The following TNKS variants were observed in gnomAD, a reference collection of about 807,000 sequenced individuals.
TNKS encodes tankyrase.
TNKS carries 72 observed loss-of-function variants against 135.8 expected under a neutral mutation model. The ratio of observed to expected loss-of-function variants is 0.53; its 90% CI spans 0.44 to 0.64. The LOEUF (loss-of-function observed/expected upper bound fraction) is 0.64, where lower values mean the gene tolerates loss of function less well. Among genes scored for constraint, TNKS ranks in the 30% least tolerant of loss-of-function variants. TNKS has a pLI of 0.00. For missense variants in TNKS, 1,769 were observed against 1,674.0 expected, an observed-to-expected ratio of 1.06 and a Z score of -0.99; for synonymous variants, 849 against 649.3, an observed-to-expected ratio of 1.31 and a Z score of -4.68.
At chr8:9,731,999 G>C (rs1313669479) in intron 14 of TNKS, among the ~76,000 whole-genome samples, 1 of 152,146 alleles carries the variant, frequency 6.6e-6, no homozygotes, top group Non-Finnish European at 1.5e-5. Flanking sequence ...GTGTTAGCCA[G>C]GATGGTCTCA....
chr8:9,592,905 T>C (rs1798639741), intron 2 of TNKS, among the ~76,000 whole-genome samples: 1 of 152,242 alleles, frequency 6.6e-6, no homozygotes, highest in African/African-American at 2.4e-5. Context: ...AAACACATTT[T>C]ATAGTCATAT....
chr8:9,750,344 C>G (rs1410355158), intron 18 of TNKS, among the ~76,000 whole-genome samples: 6 of 152,184 alleles, frequency 3.9e-5, no homozygotes, highest in Non-Finnish European at 5.9e-5. Flanking sequence ...TAGGTGAATA[C>G]ATTTCCTTAA....
chr8:9,729,419 G>C (rs537606030), intron 13 of TNKS, among the ~76,000 whole-genome samples: 1 of 152,244 alleles, frequency 6.6e-6, no homozygotes, highest in South Asian at 2.1e-4. Flanking sequence ...AATCCCCAGG[G>C]ACCCTGCAAT....
In TNKS at chr8:9,570,948, A is replaced by G. The variant is rs1797732374; in HGVS notation, c.674-9211A>G. On this transcript the variant is annotated intron_variant, in intron 1 of 26. Transcript: ENST00000310430. ...CATGCCACTGCACTCCAGCCTGGGC[A>G]ATAGAGTAAGACCTGTCTCTTAAAT... Among the ~76,000 whole-genome samples, 5 of 152,210 alleles carry G rather than the reference A, an allele frequency of 3.3e-5. 1 individual carries two copies. In the South Asian group the frequency reaches 1.0e-3, roughly 31 times the overall value.
intron 11 of TNKS, among the ~76,000 whole-genome samples, chr8:9,716,733 A>AGGTTGCAT (rs143044035): frequency 8.2e-4 from 124 of 150,648 alleles, no homozygotes; most frequent in African/African-American, 2.9e-3. Context: ...TCTTTCTCTG[A>AGGTTGCAT]GGTTTCTTTT....
chr8:9,588,349 A>G (rs1051490500), intron 2 of TNKS, among the ~76,000 whole-genome samples: 1 of 151,810 alleles, frequency 6.6e-6, no homozygotes, highest in Non-Finnish European at 1.5e-5. Context: ...ATCTAGGCTC[A>G]CTGCAAGCTC....
intron 2 of TNKS, among the ~76,000 whole-genome samples, chr8:9,613,917 G>C (rs765998914): frequency 6.6e-6 from 1 of 152,282 alleles, no homozygotes; most frequent in Middle Eastern, 3.4e-3. Context: ...GTCAAACTCA[G>C]ATAAAAATAT....
rs567293651 is a variant in TNKS at position 9,629,285 on chromosome 8, C to G, written c.994+13608C>G. On this transcript the variant is annotated intron_variant, in intron 3 of 26. Transcript: ENST00000310430. Reference sequence around the variant, plus strand: ...TTCTGATGCAGACTCCTAATCTTGCCGAGGAGTGACATTGCAGCCCAGCTG... The same window carrying G: ...TTCTGATGCAGACTCCTAATCTTGCGGAGGAGTGACATTGCAGCCCAGCTG... Among the ~76,000 whole-genome samples, 170 of 152,258 alleles carry G rather than the reference C, an allele frequency of 1.1e-3. 4 individuals are homozygous for G. In the South Asian group the frequency reaches 0.033, roughly 29 times the overall value.
intron 26 of TNKS, among the ~76,000 whole-genome samples, chr8:9,773,816 C>T (rs1808080222): frequency 6.6e-6 from 1 of 152,070 alleles, no homozygotes. Flanking sequence ...TATACTTGTA[C>T]ACATGGATCG....
Position 9,765,765 on chromosome 8 carries a change from AC to A in TNKS, c.3522del (p.His1174GlnfsTer31). On this transcript the variant is annotated frameshift_variant, in exon 24 of 27. Transcript: ENST00000310430. LOFTEE classifies it high-confidence loss of function. ...CAGAAGGAAGTGTCTGAGGAGAATC[AC>A]AACCATCACAATGAGCGCATGTTGT... ...HRQKEVSEENHNHHNERMLFH... is the reference protein window; with the variant it reads ...HRQKEVSEENXNHHNERMLFH... 1 of 1,614,034 alleles carries A rather than the reference AC, an allele frequency of 6.2e-7. No homozygotes were observed. Among genetic ancestry groups the A allele is most frequent in the Non-Finnish European group, 8.5e-7 (1 of 1,179,914 alleles).
chr8:9,604,551 A>T (rs1799147109), intron 2 of TNKS, among the ~76,000 whole-genome samples: 1 of 151,922 alleles, frequency 6.6e-6, no homozygotes. Context: ...AGTGTAGTTT[A>T]TGTACTATTA....
chr8:9,649,576 G>A (rs1451083963), intron 3 of TNKS, among the ~76,000 whole-genome samples: 4 of 152,022 alleles, frequency 2.6e-5, no homozygotes, highest in East Asian at 1.9e-4. Flanking sequence ...CCTGTTACCC[G>A]AGCAGTGTAC....
chr8:9,649,976 T>C (rs952144852), intron 3 of TNKS, among the ~76,000 whole-genome samples: 1 of 137,422 alleles, frequency 7.3e-6, no homozygotes, highest in Admixed American at 7.8e-5. Context: ...CGCTGCAGCC[T>C]CCACCTCCTG....
intron 5 of TNKS, among the ~76,000 whole-genome samples, chr8:9,699,764 T>C (rs73664783): frequency 7.6e-4 from 116 of 152,294 alleles, no homozygotes; most frequent in African/African-American, 2.6e-3. Context: ...CTTCCTGCCA[T>C]AGAGTTTGCT....
chr8:9,764,859 G>GA, intron 23 of TNKS, 69 bp downstream of exon 23: 1 of 1,314,040 alleles, frequency 7.6e-7, no homozygotes, highest in Non-Finnish European at 1.0e-6. Flanking sequence ...TCTAGACAAT[G>GA]AAAAAAGTTT....
chr8:9,766,558 C>A, intron 25 of TNKS, 133 bp downstream of exon 25: 2 of 716,096 alleles, frequency 2.8e-6, no homozygotes, highest in Non-Finnish European at 4.0e-6. Flanking sequence ...ACGATCCTGG[C>A]TCACGCAACC....
In TNKS at chr8:9,776,764, A is replaced by C; in HGVS notation, c.*28A>C. The stretch of plus-strand genomic sequence containing the variant: ...AATGCCTGCTGGTGAAGGCCAGATC[A>C]GATTTCAACCTGGGACTGGATTACA... On this transcript the variant is annotated 3_prime_UTR_variant, in exon 27 of 27. Transcript: ENST00000310430. The C allele has an allele frequency of 6.2e-7, 1 of 1,601,768 alleles. No homozygotes were observed. Among genetic ancestry groups the C allele is most frequent in the Admixed American group, 1.7e-5 (1 of 59,902 alleles).
intron 13 of TNKS, 146 bp from the exon 14 acceptor site, chr8:9,730,744 C>T (rs1338735519): frequency 1.1e-6 from 1 of 916,084 alleles, no homozygotes; most frequent in Non-Finnish European, 1.6e-6. Context: ...GATTTCTAAA[C>T]ATTTGTATTG....
At chr8:9,698,887 C>T (rs1271353920) in intron 5 of TNKS, among the ~76,000 whole-genome samples, 1 of 152,174 alleles carries the variant, frequency 6.6e-6, no homozygotes, top group Non-Finnish European at 1.5e-5. Flanking sequence ...ATTTATAGGA[C>T]TTCCTTAAGA....
Sources: allele counts gnomAD v4.1 joint callset (sites outside exome capture counted in the v4.1 genomes callset), GRCh38; gene constraint gnomAD v4.1.1; transcripts MANE v1.5; gene names NCBI Gene and HGNC (gene_info 2026-07-23, HGNC 2026-07-21).